The following LRRIQ1 variants were observed in gnomAD, a reference collection of about 807,000 sequenced individuals.
LRRIQ1 encodes the protein leucine rich repeats and IQ motif containing 1, also known as leucine-rich repeat- and IQ domain-containing protein 1.
In LRRIQ1, 210 loss-of-function variants were observed where a neutral mutation model predicts 211.9. The observed-to-expected ratio is 0.99, with a 90% CI of 0.89 to 1.11. LRRIQ1 has a LOEUF of 1.11. Ranked by LOEUF, LRRIQ1 falls within the 50% of genes most tolerant of loss-of-function variation. The pLI is 0.00. For missense variants in LRRIQ1, 2,136 were observed against 1,939.5 expected, an observed-to-expected ratio of 1.10 and a Z score of -1.90; for synonymous variants, 699 against 650.1, an observed-to-expected ratio of 1.08 and a Z score of -1.14.
At chr12:85,136,551 G>A (rs1453332049) in intron 18 of LRRIQ1, among the ~76,000 whole-genome samples, 2 of 151,844 alleles carry the variant, frequency 1.3e-5, no homozygotes, top group Non-Finnish European at 2.9e-5. Context: ...TGCTGCAGAG[G>A]TTGTCACTTA....
At position 85,190,219 on chromosome 12, in the gene LRRIQ1, T is replaced by G. The variant is rs568622725; in HGVS notation, c.4822+29505T>G. Among the ~76,000 whole-genome samples, 34 of 144,548 alleles carry G rather than the reference T, an allele frequency of 2.4e-4. 1 individual carries two copies. In the South Asian group the frequency reaches 6.9e-3, roughly 29 times the overall value. 94.8% of individuals were successfully genotyped at this position (144,548 alleles called of 152,430 possible). A position where few individuals can be genotyped will look rare whatever the true frequency, so the allele number is the denominator to read the frequency against. The stretch of plus-strand genomic sequence containing the variant: ...TATATTATAATTATAATTTTATAAT[T>G]TTATAATGATATATTAATATACATT... On this transcript the variant is annotated intron_variant, in intron 24 of 26. Transcript: ENST00000393217.
chr12:85,069,064 A>G (rs1433692137), intron 10 of LRRIQ1, among the ~76,000 whole-genome samples: 4 of 150,966 alleles, frequency 2.6e-5, no homozygotes, highest in Non-Finnish European at 5.9e-5. Context: ...AGCATTAGGT[A>G]TACCTCCTAA....
intron 24 of LRRIQ1, among the ~76,000 whole-genome samples, chr12:85,206,138 A>C (rs1245277337): frequency 1.3e-5 from 2 of 152,218 alleles, no homozygotes; most frequent in Non-Finnish European, 2.9e-5. Flanking sequence ...CCTTGGGCAG[A>C]ACACTGGTGA....
At chr12:85,231,438 ATGT>A (rs1260024412) in intron 25 of LRRIQ1, among the ~76,000 whole-genome samples, 9 of 152,186 alleles carry the variant, frequency 5.9e-5, no homozygotes, top group African/African-American at 2.2e-4. Flanking sequence ...AATTTATTTT[ATGT>A]TGTTATTAAG....
chr12:85,077,950 T>A (rs1883843919), intron 11 of LRRIQ1, among the ~76,000 whole-genome samples: 1 of 151,052 alleles, frequency 6.6e-6, no homozygotes, highest in African/African-American at 2.4e-5. Flanking sequence ...ATCACACCAA[T>A]GCACTCCAAC....
rs1890372627 is a variant in LRRIQ1, at chr12:85,153,666, A to C, written c.4545A>C (p.Ser1515=). The change falls in exon 22 of 27, where the codon TCA becomes TCC. Residue 1515 remains serine (S), a synonymous_variant. Transcript: ENST00000393217. ...SSEHTQFNSR[S]ENKTSSWTPE... ...AGTGGTTTTTTTCTATTGCCAGATCAGAAAATAAAACTTCTTCCTGGACAC... is the reference window on the plus strand; with the variant it reads ...AGTGGTTTTTTTCTATTGCCAGATCCGAAAATAAAACTTCTTCCTGGACAC... The C allele has an allele frequency of 2.5e-6, 4 of 1,577,530 alleles. No individual in the cohort carries two copies. The highest frequency in any genetic ancestry group is 3.4e-6 in the Non-Finnish European group (4 of 1,164,172).
rs370626218 is a variant in LRRIQ1 at position 85,038,197 on chromosome 12, G to A, written c.21G>A (p.Lys7=). The change falls in exon 2 of 27, where the codon AAG becomes AAA. Residue 7 remains lysine, a synonymous_variant. Coordinates refer to ENST00000393217, the MANE Select transcript of LRRIQ1 (RefSeq NM_001079910.2). MDDDDA[K]LKAEIEAELD... ...GAATAATGGACGATGATGATGCAAA[G>A]CTCAAAGCAGAAATAGAAGCTGAAT... 2.2e-5 allele frequency: 35 copies of A among 1,575,266 alleles called. No individual in the cohort carries two copies. Among genetic ancestry groups the A allele is most frequent in the Admixed American group, 1.2e-4 (7 of 56,130 alleles).
chr12:85,132,597 G>A (rs185163492), intron 18 of LRRIQ1, among the ~76,000 whole-genome samples: 9 of 151,924 alleles, frequency 5.9e-5, no homozygotes, highest in Admixed American at 5.2e-4. Flanking sequence ...GCAAAACCCT[G>A]TCTCTATAAA....
At chr12:85,071,896 C>T (rs1402808190) in intron 10 of LRRIQ1, among the ~76,000 whole-genome samples, 2 of 152,000 alleles carry the variant, frequency 1.3e-5, no homozygotes, top group South Asian at 2.1e-4. Flanking sequence ...CTGCCCTTGA[C>T]GTGTGGGGAT....
At chr12:85,061,001 G>T (rs1881729045) in intron 8 of LRRIQ1, among the ~76,000 whole-genome samples, 1 of 151,776 alleles carries the variant, frequency 6.6e-6, no homozygotes, top group South Asian at 2.1e-4. Flanking sequence ...AGGTGGAATA[G>T]TTCATTCTCA....
At chr12:85,142,585 T>C (rs964544029) in intron 19 of LRRIQ1, among the ~76,000 whole-genome samples, 1 of 151,482 alleles carries the variant, frequency 6.6e-6, no homozygotes, top group Non-Finnish European at 1.5e-5. Flanking sequence ...TGAAATTTTG[T>C]ATGCTGTGAC....
chr12:85,175,821 T>A (rs564897192), intron 24 of LRRIQ1, among the ~76,000 whole-genome samples: 2 of 152,178 alleles, frequency 1.3e-5, no homozygotes, highest in Non-Finnish European at 2.9e-5. Flanking sequence ...GTTGGAGATA[T>A]GCGGCATTAT....
chr12:85,214,312 A>T (rs1893975921), intron 24 of LRRIQ1, among the ~76,000 whole-genome samples: 1 of 152,130 alleles, frequency 6.6e-6, no homozygotes, highest in Non-Finnish European at 1.5e-5. Context: ...CTACAATCTC[A>T]ATTAAATCCC....
At chr12:85,175,970 G>A (rs1891677820) in intron 24 of LRRIQ1, among the ~76,000 whole-genome samples, 1 of 152,110 alleles carries the variant, frequency 6.6e-6, no homozygotes, top group South Asian at 2.1e-4. Flanking sequence ...TTTGGCTTAG[G>A]ATTGACTTGG....
intron 15 of LRRIQ1, 55 bp from the exon 16 acceptor site, chr12:85,121,642 T>C: frequency 1.5e-6 from 2 of 1,318,346 alleles, no homozygotes; most frequent in Non-Finnish European, 1.0e-6. Context: ...GTTATTTAGA[T>C]ACATACTCTC....
chr12:85,110,879 G>A (rs1381412563), intron 15 of LRRIQ1, among the ~76,000 whole-genome samples: 1 of 152,004 alleles, frequency 6.6e-6, no homozygotes, highest in Non-Finnish European at 1.5e-5. Context: ...ACTTACAGTG[G>A]TCAGAGAATA....
chr12:85,065,255 C>T lies in LRRIQ1; in HGVS notation c.2392-7C>T. 6.3e-7 allele frequency: 1 copy of T among 1,598,072 alleles called. No homozygotes were observed. The highest frequency in any genetic ancestry group is 8.5e-7 in the Non-Finnish European group (1 of 1,172,288). ...ACTACACACTCCAATTTTCTTGGTTCCTCTAGGTTACAACAGTTACATTTC... is the reference window on the plus strand; with the variant it reads ...ACTACACACTCCAATTTTCTTGGTTTCTCTAGGTTACAACAGTTACATTTC... On this transcript the variant is annotated splice_region_variant and splice_polypyrimidine_tract_variant and intron_variant, in intron 8 of 26. Transcript: ENST00000393217.
At chr12:85,195,599 G>GA (rs1189033591) in intron 24 of LRRIQ1, among the ~76,000 whole-genome samples, 1 of 151,892 alleles carries the variant, frequency 6.6e-6, no homozygotes, top group Admixed American at 6.6e-5. Context: ...AATAGATGCA[G>GA]AAAAAGCCTT....
At chr12:85,227,674 T>TA (rs1894729275) in intron 24 of LRRIQ1, among the ~76,000 whole-genome samples, 1 of 152,110 alleles carries the variant, frequency 6.6e-6, no homozygotes, top group African/African-American at 2.4e-5. Flanking sequence ...AAACCTACTT[T>TA]AAAGTTCATA....
Sources: gnomAD v4.1 joint callset for allele counts (sites outside exome capture counted in the v4.1 genomes callset) on GRCh38, gnomAD v4.1.1 for gene constraint, MANE v1.5 for transcripts, NCBI Gene and HGNC (gene_info 2026-07-23, HGNC 2026-07-21) for gene names.